RTN1: variants seen among roughly 807,000 people sequenced by gnomAD.
RTN1 encodes the protein reticulon 1, also known as reticulon-1.
RTN1 carries 25 observed loss-of-function variants against 65.5 expected under a neutral mutation model. That is an observed-to-expected ratio of 0.38 (90% confidence interval 0.28 to 0.53). The LOEUF (loss-of-function observed/expected upper bound fraction) is 0.53. Ranked by LOEUF, RTN1 falls within the 20% of genes least tolerant of loss-of-function variation. The pLI is 0.79. For missense variants in RTN1, 983 were observed against 1,025.4 expected, an observed-to-expected ratio of 0.96 and a Z score of 0.57; for synonymous variants, 471 against 447.6, an observed-to-expected ratio of 1.05 and a Z score of -0.66.
chr14:59,854,950 A>G (rs958938580), intron 1 of RTN1, among the ~76,000 whole-genome samples: 6 of 152,232 alleles, frequency 3.9e-5, no homozygotes, highest in Non-Finnish European at 8.8e-5. Context: ...AACTTAGCTT[A>G]TGTGTGCATA....
At chr14:59,598,395 T>C (rs780538520) in intron 8 of RTN1, among the ~76,000 whole-genome samples, 6 of 152,150 alleles carry the variant, frequency 3.9e-5, no homozygotes, top group East Asian at 1.9e-4. Context: ...GATTGCACGA[T>C]GTGTGGCTAA....
chr14:59,797,803 A>T (rs1366848597), intron 1 of RTN1, among the ~76,000 whole-genome samples: 1 of 152,228 alleles, frequency 6.6e-6, no homozygotes, highest in Non-Finnish European at 1.5e-5. Context: ...CTTTGTTAAC[A>T]CTATTGAGGA....
chr14:59,684,287 C>A (rs541251261), intron 3 of RTN1, among the ~76,000 whole-genome samples: 1 of 152,074 alleles, frequency 6.6e-6, no homozygotes, highest in South Asian at 2.1e-4. Flanking sequence ...AGTGCATTTT[C>A]ACTATCATTT....
chr14:59,596,453 C>A lies in RTN1; in HGVS notation c.*292G>T. On this transcript the variant is annotated 3_prime_UTR_variant, in exon 9 of 9. Transcript: ENST00000267484. ...ATTGCAGAGAAGAGAAGAAGAACAC[C>A]GAAGAGGGAAAGATAACTTGGGCTC... 4.1e-6 allele frequency: 1 copy of A among 242,016 alleles called. No homozygotes were observed. Among genetic ancestry groups the A allele is most frequent in the Non-Finnish European group, 8.0e-6 (1 of 125,436 alleles). The allele number at this position is 242,016 out of a possible 1,614,324, so 15.0% of individuals were successfully genotyped here. A position where few individuals can be genotyped will look rare whatever the true frequency, so the allele number is the denominator to read the frequency against.
chr14:59,647,958 G>T (rs574443596), intron 3 of RTN1, among the ~76,000 whole-genome samples: 14 of 152,150 alleles, frequency 9.2e-5, no homozygotes, highest in Admixed American at 2.6e-4. Flanking sequence ...AATTGAAGGA[G>T]ATCAAGACAT....
chr14:59,697,162 C>T (rs1296842073), intron 3 of RTN1, among the ~76,000 whole-genome samples: 2 of 152,180 alleles, frequency 1.3e-5, no homozygotes, highest in Non-Finnish European at 2.9e-5. Flanking sequence ...GTACTTCTCA[C>T]AAACATCTCC....
chr14:59,827,133 C>G (rs1282952143), intron 1 of RTN1, among the ~76,000 whole-genome samples: 4 of 152,132 alleles, frequency 2.6e-5, no homozygotes, highest in African/African-American at 9.7e-5. Flanking sequence ...GGCTGGAGTA[C>G]AGTGGCGTGA....
intron 1 of RTN1, among the ~76,000 whole-genome samples, chr14:59,821,935 T>G (rs1886951072): frequency 6.6e-6 from 1 of 152,222 alleles, no homozygotes. Context: ...TTGAGGATTT[T>G]TGTGTCTATG....
At chr14:59,654,271 C>CA (rs1235282799) in intron 3 of RTN1, among the ~76,000 whole-genome samples, 2 of 151,686 alleles carry the variant, frequency 1.3e-5, no homozygotes, top group East Asian at 1.9e-4. Context: ...ACTAAAAATA[C>CA]AAAAAAACAA....
intron 1 of RTN1, among the ~76,000 whole-genome samples, chr14:59,827,421 T>G (rs1887053756): frequency 6.6e-6 from 1 of 152,038 alleles, no homozygotes; most frequent in Non-Finnish European, 1.5e-5. Flanking sequence ...ATCGCTTGGG[T>G]TCATTTTCTC....
rs530752899 is a variant in RTN1 at position 59,603,642 on chromosome 14, A to G, written c.2182+210T>C. ...AGCCAGTTATGTTTGAAGAAAAAAA[A>G]CCCTTTAGACTTAGGAATTCATTAT... On this transcript the variant is annotated intron_variant, in intron 6 of 8. Coordinates refer to ENST00000267484, the MANE Select transcript of RTN1 (RefSeq NM_021136.3). 7 of 342,578 alleles carry G rather than the reference A, an allele frequency of 2.0e-5. No homozygotes were observed. In the South Asian group the frequency reaches 3.1e-4, roughly 15 times the overall value. 21.2% of individuals were successfully genotyped at this position (342,578 alleles called of 1,614,324 possible).
At chr14:59,611,420 T>C (rs1881945579) in intron 3 of RTN1, among the ~76,000 whole-genome samples, 3 of 152,220 alleles carry the variant, frequency 2.0e-5, no homozygotes, top group African/African-American at 7.2e-5. Flanking sequence ...GTCCTTTAAC[T>C]GTTGCCTTAT....
At chr14:59,664,372 C>T (rs549147720) in intron 3 of RTN1, among the ~76,000 whole-genome samples, 12 of 152,044 alleles carry the variant, frequency 7.9e-5, no homozygotes, top group East Asian at 3.9e-4. Context: ...ATGTAGATGA[C>T]GGGTTGATGG....
intron 1 of RTN1, among the ~76,000 whole-genome samples, chr14:59,799,825 G>A (rs954929514): frequency 3.9e-5 from 6 of 152,128 alleles, no homozygotes; most frequent in African/African-American, 1.4e-4. Context: ...GGCTGGGGGA[G>A]AGGATTCCGT....
intron 3 of RTN1, among the ~76,000 whole-genome samples, chr14:59,632,958 C>A (rs563901684): frequency 6.6e-6 from 1 of 151,932 alleles, no homozygotes; most frequent in African/African-American, 2.4e-5. Context: ...AAATTTTTTC[C>A]GGGCATGGTG....
intron 2 of RTN1, among the ~76,000 whole-genome samples, chr14:59,729,123 C>T (rs975286065): frequency 3.3e-5 from 5 of 152,042 alleles, no homozygotes; most frequent in Non-Finnish European, 7.4e-5. Flanking sequence ...GAGAGTGACT[C>T]ATGAAGATAT....
At chr14:59,603,619 C>A in intron 6 of RTN1, 2 of 331,354 alleles carry the variant, frequency 6.0e-6, no homozygotes, top group Non-Finnish European at 1.1e-5. Flanking sequence ...CAGAAAGAAG[C>A]CAGTTATGTT....
intron 3 of RTN1, among the ~76,000 whole-genome samples, chr14:59,626,494 G>C (rs1246456679): frequency 6.6e-6 from 1 of 152,194 alleles, no homozygotes; most frequent in African/African-American, 2.4e-5. Flanking sequence ...TGAATTTGTT[G>C]AGTACAGTGA....
At chr14:59,723,539 C>A (rs1185597125) in intron 3 of RTN1, among the ~76,000 whole-genome samples, 1 of 152,030 alleles carries the variant, frequency 6.6e-6, no homozygotes, top group African/African-American at 2.4e-5. Context: ...ATGGCGTGAA[C>A]CTGGGAGGCG....
Sources: gnomAD v4.1 joint callset for allele counts (sites outside exome capture counted in the v4.1 genomes callset) on GRCh38, gnomAD v4.1.1 for gene constraint, MANE v1.5 for transcripts, NCBI Gene and HGNC (gene_info 2026-07-23, HGNC 2026-07-21) for gene names.